CPEB2: variants seen among roughly 807,000 people sequenced by gnomAD.
CPEB2 encodes the protein cytoplasmic polyadenylation element-binding protein 2.
In CPEB2, 56 loss-of-function variants were observed where a neutral mutation model predicts 93.6. The ratio of observed to expected loss-of-function variants is 0.60; its 90% CI spans 0.48 to 0.75. CPEB2 has a LOEUF of 0.75. CPEB2 is among the 30% of genes least tolerant of loss of function. CPEB2 has a pLI of 0.00. For synonymous variants in CPEB2, 764 were observed against 586.3 expected, an observed-to-expected ratio of 1.30 and a Z score of -4.38; for missense variants, 1,579 against 1,395.1, an observed-to-expected ratio of 1.13 and a Z score of -2.10.
At chr4:15,050,268 G>C (rs2109074757) in intron 6 of CPEB2, among the ~76,000 whole-genome samples, 1 of 152,258 alleles carries the variant, frequency 6.6e-6, no homozygotes, top group East Asian at 1.9e-4. Flanking sequence ...GAAGGATCTA[G>C]GTTGTGTGCT....
intron 11 of CPEB2, among the ~76,000 whole-genome samples, chr4:15,064,716 G>T (rs1263614284): frequency 6.6e-6 from 1 of 152,074 alleles, no homozygotes; most frequent in Non-Finnish European, 1.5e-5. Flanking sequence ...TGAGCAAATG[G>T]GTGCTGTCCC....
At chr4:15,041,966 C>G (rs912617738) in intron 6 of CPEB2, among the ~76,000 whole-genome samples, 5 of 152,100 alleles carry the variant, frequency 3.3e-5, no homozygotes, top group African/African-American at 9.7e-5. Flanking sequence ...AAAATTGAAG[C>G]TGAACAACTT....
At chr4:15,014,308 G>A (rs980501952) in intron 3 of CPEB2, among the ~76,000 whole-genome samples, 4 of 152,024 alleles carry the variant, frequency 2.6e-5, no homozygotes, top group African/African-American at 9.7e-5. Flanking sequence ...TGAGGATTTA[G>A]GGTAAGGAAG....
intron 5 of CPEB2, among the ~76,000 whole-genome samples, chr4:15,039,781 TGAATCCCTCTTACCTCATAGGTA>T (rs972381198): frequency 2.0e-5 from 3 of 152,176 alleles, no homozygotes; most frequent in Non-Finnish European, 4.4e-5. Context: ...AATTTGTATC[TGAATCCCTCTTACCTCATAGGTA>T]GACACATAAA....
intron 6 of CPEB2, among the ~76,000 whole-genome samples, chr4:15,045,711 G>A (rs1356035111): frequency 5.9e-5 from 9 of 151,936 alleles, no homozygotes; most frequent in African/African-American, 1.9e-4. Context: ...TGATTTTAAC[G>A]GCAAGGAAAT....
chr4:15,031,859 C>T (rs147117194), intron 4 of CPEB2, among the ~76,000 whole-genome samples: 10 of 152,146 alleles, frequency 6.6e-5, no homozygotes, highest in African/African-American at 2.2e-4. Context: ...AAAATCCAAC[C>T]GACAATCTCC....
chr4:15,049,468 T>G (rs1391210559), intron 6 of CPEB2, among the ~76,000 whole-genome samples: 1 of 152,154 alleles, frequency 6.6e-6, no homozygotes, highest in African/African-American at 2.4e-5. Context: ...TAAAATCGTT[T>G]GTATGTATGC....
At chr4:15,050,852 A>C (rs184072202) in intron 6 of CPEB2, among the ~76,000 whole-genome samples, 1 of 152,158 alleles carries the variant, frequency 6.6e-6, no homozygotes, top group East Asian at 1.9e-4. Context: ...GTTATAAAGG[A>C]CCTTAAACTA....
chr4:15,027,198 G>A lies in CPEB2; in HGVS notation c.2126-5963G>A, dbSNP rs140107400. ...GAATCAAAACTTTTTGGTATTCTATGTTCTTTGGTGTTTCTTGGTAAATTT... is the reference window on the plus strand; with the variant it reads ...GAATCAAAACTTTTTGGTATTCTATATTCTTTGGTGTTTCTTGGTAAATTT... On this transcript the variant is annotated intron_variant, in intron 4 of 11. Transcript: ENST00000538197. 2.3e-3 allele frequency among the ~76,000 whole-genome samples: 357 copies of A among 152,178 alleles called. 3 individuals are homozygous for A. Among genetic ancestry groups the A allele is most frequent in the South Asian group, 0.018 (88 of 4,828 alleles).
chr4:15,047,045 C>A (rs1486603677), intron 6 of CPEB2, among the ~76,000 whole-genome samples: 1 of 152,112 alleles, frequency 6.6e-6, no homozygotes, highest in East Asian at 1.9e-4. Flanking sequence ...TTTACTTTTC[C>A]ACATTGAACT....
At chr4:15,016,501 T>G (rs1724161295) in intron 3 of CPEB2, among the ~76,000 whole-genome samples, 1 of 152,012 alleles carries the variant, frequency 6.6e-6, no homozygotes, top group South Asian at 2.1e-4. Context: ...ATGAGATTAC[T>G]GTGCTTTTAC....
intron 3 of CPEB2, chr4:15,010,420 G>A (rs758968436): frequency 5.3e-5 from 8 of 152,126 alleles, no homozygotes; most frequent in Admixed American, 2.0e-4. Context: ...AGGCAGTGGA[G>A]GTAGTATGTG....
rs141601279 is a variant in CPEB2, at chr4:15,060,353, A to G, written c.2695+1052A>G. On this transcript the variant is annotated intron_variant, in intron 10 of 11. Coordinates refer to ENST00000538197, the MANE Select transcript of CPEB2 (RefSeq NM_001177382.2). ...AGACTTCATTATCTTTGCAGTTTTC[A>G]AAGTTCACTTTAGCTAATGATTCAG... Among the ~76,000 whole-genome samples, 801 of 152,282 alleles carry G rather than the reference A, an allele frequency of 5.3e-3. 12 individuals are homozygous for G. The highest frequency in any genetic ancestry group is 0.018 in the African/African-American group (754 of 41,564).
At chr4:15,043,914 T>TA (rs1388526781) in intron 6 of CPEB2, among the ~76,000 whole-genome samples, 1 of 152,084 alleles carries the variant, frequency 6.6e-6, no homozygotes, top group African/African-American at 2.4e-5. Context: ...CATTCAGACT[T>TA]ACGTGCTATA....
rs1426865476 is a variant in CPEB2, at chr4:15,066,419, G to T, written c.*39G>T. On this transcript the variant is annotated 3_prime_UTR_variant, in exon 12 of 12. Coordinates refer to ENST00000538197, the MANE Select transcript of CPEB2 (RefSeq NM_001177382.2). ...GCCTCTGTTTAACAAGGAAAGAAAG[G>T]GTGCATGTGGCTTACTGTGTCTGAA... The T allele has an allele frequency of 1.4e-6, 2 of 1,425,438 alleles. No homozygotes were observed. Among genetic ancestry groups the T allele is most frequent in the Non-Finnish European group, 1.9e-6 (2 of 1,029,370 alleles). The allele number at this position is 1,425,438 out of a possible 1,614,324, so 88.3% of individuals were successfully genotyped here. A position where few individuals can be genotyped will look rare whatever the true frequency, so the allele number is the denominator to read the frequency against.
chr4:15,064,121 C>A (rs1274331523), intron 11 of CPEB2, among the ~76,000 whole-genome samples: 1 of 152,026 alleles, frequency 6.6e-6, no homozygotes, highest in East Asian at 1.9e-4. Context: ...ACTTTTTAGA[C>A]TCATGGATAC....
chr4:15,003,434 G>C lies in CPEB2; in HGVS notation c.761G>C (p.Arg254Pro). 7.4e-7 allele frequency: 1 copy of C among 1,357,044 alleles called. No individual in the cohort carries two copies. The highest frequency in any genetic ancestry group is 1.9e-5 in the South Asian group (1 of 53,980). 84.1% of individuals were successfully genotyped at this position (1,357,044 alleles called of 1,614,324 possible). The change falls in exon 1 of 12, where the codon CGT becomes CCT. Residue 254 changes from arginine (R) to proline (P), a missense_variant. Arg to Pro is a moderately radical substitution (Grantham distance 103, BLOSUM62 -2). Coordinates refer to ENST00000538197, the MANE Select transcript of CPEB2 (RefSeq NM_001177382.2). Reference protein sequence around the residue: ...LSPQDFAPRQRPADLPPLPQL... With the variant: ...LSPQDFAPRQPPADLPPLPQL... ...CCGCAGGACTTCGCCCCGCGGCAGCGTCCGGCAGACCTGCCCCCGCTCCCG... is the reference window on the plus strand; with the variant it reads ...CCGCAGGACTTCGCCCCGCGGCAGCCTCCGGCAGACCTGCCCCCGCTCCCG...
At chr4:15,048,692 A>G (rs1727944476) in intron 6 of CPEB2, among the ~76,000 whole-genome samples, 1 of 151,964 alleles carries the variant, frequency 6.6e-6, no homozygotes, top group Admixed American at 6.6e-5. Context: ...ATATGCTTTT[A>G]AAACTATGAA....
At chr4:15,057,401 T>A (rs1308177936) in intron 8 of CPEB2, among the ~76,000 whole-genome samples, 1 of 152,194 alleles carries the variant, frequency 6.6e-6, no homozygotes, top group African/African-American at 2.4e-5. Flanking sequence ...AAGCTGAGTT[T>A]TCTGACTTCA....
Sources: allele counts gnomAD v4.1 joint callset (sites outside exome capture counted in the v4.1 genomes callset), GRCh38; gene constraint gnomAD v4.1.1; transcripts MANE v1.5; gene names NCBI Gene and HGNC (gene_info 2026-07-23, HGNC 2026-07-21).